SLC4A10: variants seen among roughly 807,000 people sequenced by gnomAD.
SLC4A10 encodes sodium-driven chloride bicarbonate exchanger.
Under a neutral mutation model 137.7 loss-of-function variants are expected in SLC4A10, and 42 were observed. That is an observed-to-expected ratio of 0.30 (90% CI 0.24 to 0.39). The LOEUF (loss-of-function observed/expected upper bound fraction) is 0.39, where lower values mean the gene tolerates loss of function less well. SLC4A10 is among the 10% of genes least tolerant of loss of function. The pLI, the probability that SLC4A10 is intolerant of heterozygous loss-of-function variation, is 1.00. For synonymous variants in SLC4A10, 474 were observed against 464.1 expected, an observed-to-expected ratio of 1.02 and a Z score of -0.27; for missense variants, 925 against 1,355.0, an observed-to-expected ratio of 0.68 and a Z score of 4.98.
In SLC4A10 at chr2:161,983,506, G is replaced by A. The variant is rs1214281904; in HGVS notation, c.*354G>A. The A allele has an allele frequency of 5.2e-6, 2 of 383,728 alleles. No homozygotes were observed. Among genetic ancestry groups the A allele is most frequent in the Non-Finnish European group, 9.2e-6 (2 of 216,898 alleles). The allele number at this position is 383,728 out of a possible 1,614,324, so 23.8% of individuals were successfully genotyped here. On this transcript the variant is annotated 3_prime_UTR_variant, in exon 27 of 27. Coordinates refer to ENST00000446997, the MANE Select transcript of SLC4A10 (RefSeq NM_001178015.2). The stretch of plus-strand genomic sequence containing the variant: ...TTTGTAAACTGGATTCTGATTGTCA[G>A]TTTTATGAGAGCAATAGCTTCCTTA...
At chr2:161,797,955 T>G (rs2054956007) in intron 2 of SLC4A10, among the ~76,000 whole-genome samples, 1 of 152,052 alleles carries the variant, frequency 6.6e-6, no homozygotes, top group African/African-American at 2.4e-5. Flanking sequence ...TATAAATACC[T>G]TCCCAGGGTC....
intron 1 of SLC4A10, among the ~76,000 whole-genome samples, chr2:161,740,676 A>C (rs1213302526): frequency 6.6e-6 from 1 of 152,106 alleles, no homozygotes; most frequent in Non-Finnish European, 1.5e-5. Context: ...TCATTCTAGC[A>C]TTCCAACTTT....
At chr2:161,827,266 A>G (rs1205220148) in intron 3 of SLC4A10, among the ~76,000 whole-genome samples, 1 of 152,074 alleles carries the variant, frequency 6.6e-6, no homozygotes, top group Non-Finnish European at 1.5e-5. Flanking sequence ...AATGTTATCT[A>G]TGTCTCTATC....
At chr2:161,920,273 C>T (rs995291265) in intron 15 of SLC4A10, among the ~76,000 whole-genome samples, 13 of 152,258 alleles carry the variant, frequency 8.5e-5, no homozygotes, top group South Asian at 2.1e-4. Context: ...AATGACACCC[C>T]GGGGACCTCA....
intron 19 of SLC4A10, among the ~76,000 whole-genome samples, chr2:161,954,046 TG>T (rs1695248063): frequency 6.6e-6 from 1 of 152,248 alleles, no homozygotes; most frequent in Non-Finnish European, 1.5e-5. Flanking sequence ...TACATGTTTC[TG>T]TAGACAGTTC....
At chr2:161,642,968 G>A (rs1401762233) in intron 1 of SLC4A10, among the ~76,000 whole-genome samples, 1 of 151,802 alleles carries the variant, frequency 6.6e-6, no homozygotes, top group East Asian at 1.9e-4. Context: ...ATGCTTTTGA[G>A]CTATTGAAAT....
At chr2:161,819,260 G>A (rs1177237852) in intron 3 of SLC4A10, among the ~76,000 whole-genome samples, 1 of 152,078 alleles carries the variant, frequency 6.6e-6, no homozygotes, top group East Asian at 1.9e-4. Flanking sequence ...TCATGGTTGG[G>A]CTGTGATTCC....
intron 1 of SLC4A10, among the ~76,000 whole-genome samples, chr2:161,632,555 C>T (rs2033750561): frequency 6.6e-6 from 1 of 151,524 alleles, no homozygotes; most frequent in Non-Finnish European, 1.5e-5. Flanking sequence ...CTGTTAAAAA[C>T]ATGTCATATA....
chr2:161,864,042 A>C (rs1014797377), intron 6 of SLC4A10, among the ~76,000 whole-genome samples: 1 of 152,128 alleles, frequency 6.6e-6, no homozygotes, highest in Non-Finnish European at 1.5e-5. Context: ...TCTACTAAAA[A>C]TACAGAAAAA....
intron 4 of SLC4A10, among the ~76,000 whole-genome samples, chr2:161,843,601 A>T (rs930614096): frequency 3.3e-5 from 5 of 152,142 alleles, no homozygotes; most frequent in African/African-American, 1.2e-4. Context: ...GATTTCGAAA[A>T]GTAACAGGTT....
At chr2:161,931,593 C>G (rs1222535474) in intron 15 of SLC4A10, 2 of 151,988 alleles carry the variant, frequency 1.3e-5, no homozygotes, top group East Asian at 1.9e-4. Flanking sequence ...TGTTTTCCTC[C>G]AGGATGCATC....
chr2:161,928,584 C>G (rs1249830037), intron 15 of SLC4A10, among the ~76,000 whole-genome samples: 1 of 122,976 alleles, frequency 8.1e-6, no homozygotes, highest in Non-Finnish European at 1.7e-5. Flanking sequence ...AAAAAAAAAA[C>G]AAACTTCTCA....
At position 161,632,944 on chromosome 2, in the gene SLC4A10, T is replaced by G. The variant is rs1424105686; in HGVS notation, c.48+8378T>G. Among the ~76,000 whole-genome samples the G allele has an allele frequency of 2.6e-5, 4 of 151,790 alleles. No individual in the cohort carries two copies. The East Asian group carries it at 7.7e-4, about 29-fold the overall frequency. The stretch of plus-strand genomic sequence containing the variant: ...AATCATAATGGGCTAGAAAATTAAG[T>G]GCTTATTTACTTATTTAGCATATTA... On this transcript the variant is annotated intron_variant, in intron 1 of 26. Coordinates refer to ENST00000446997, the MANE Select transcript of SLC4A10 (RefSeq NM_001178015.2).
At chr2:161,812,901 C>T (rs1019600939) in intron 3 of SLC4A10, among the ~76,000 whole-genome samples, 1 of 152,014 alleles carries the variant, frequency 6.6e-6, no homozygotes, top group African/African-American at 2.4e-5. Flanking sequence ...TTTTATATTA[C>T]CATTTGATTA....
rs1369550103 is a variant in SLC4A10, at chr2:161,985,154, G to A, written c.*2002G>A. On this transcript the variant is annotated 3_prime_UTR_variant, in exon 27 of 27. Coordinates refer to ENST00000446997, the MANE Select transcript of SLC4A10 (RefSeq NM_001178015.2). ...GTCAAAATTACTAAATATCTTGAAT[G>A]TAATTTAGTGCCAAGTTTAAATAAT... The A allele has an allele frequency of 6.6e-6, 1 of 152,008 alleles. No individual in the cohort carries two copies. The highest frequency in any genetic ancestry group is 1.5e-5 in the Non-Finnish European group (1 of 67,934). 9.4% of individuals were successfully genotyped at this position (152,008 alleles called of 1,614,324 possible).
intron 1 of SLC4A10, among the ~76,000 whole-genome samples, chr2:161,689,194 A>T (rs2124902824): frequency 6.6e-6 from 1 of 152,256 alleles, no homozygotes; most frequent in East Asian, 1.9e-4. Context: ...TTTTAAAAAT[A>T]AATTTATTGT....
intron 19 of SLC4A10, among the ~76,000 whole-genome samples, chr2:161,953,899 A>G (rs1376992593): frequency 6.6e-6 from 1 of 152,238 alleles, no homozygotes; most frequent in African/African-American, 2.4e-5. Context: ...TGGATTAGGC[A>G]TAAGTTAACT....
intron 1 of SLC4A10, among the ~76,000 whole-genome samples, chr2:161,676,415 T>C (rs1276012142): frequency 1.3e-5 from 2 of 152,184 alleles, no homozygotes; most frequent in Non-Finnish European, 2.9e-5. Flanking sequence ...CTGGTATTTG[T>C]ATGTCAAACT....
chr2:161,779,344 T>C (rs207462596), intron 2 of SLC4A10, among the ~76,000 whole-genome samples: 1 of 151,910 alleles, frequency 6.6e-6, no homozygotes, highest in Non-Finnish European at 1.5e-5. Flanking sequence ...AATTTTAACA[T>C]GAGTTTTGGT....
Sources: gnomAD v4.1 joint callset for allele counts (sites outside exome capture counted in the v4.1 genomes callset) on GRCh38, gnomAD v4.1.1 for gene constraint, MANE v1.5 for transcripts, NCBI Gene and HGNC (gene_info 2026-07-23, HGNC 2026-07-21) for gene names.